TBCD: variants seen among roughly 807,000 people sequenced by gnomAD.
TBCD encodes tubulin folding cofactor D, also known as tubulin-specific chaperone D.
A neutral mutation model predicts 169.3 loss-of-function variants in TBCD; 105 were observed. That is an observed-to-expected ratio of 0.62 (90% CI 0.53 to 0.73). TBCD has a LOEUF of 0.73. TBCD is among the 30% of genes least tolerant of loss of function. The probability of loss-of-function intolerance (pLI) is 0.00; values close to 1 mark genes in which losing one functional copy is unlikely to be tolerated. For synonymous variants in TBCD, 700 were observed against 643.9 expected (o/e 1.09, Z -1.32); for missense variants, 1,444 against 1,600.1 (o/e 0.90, Z 1.66).
rs752155506 is a variant in TBCD, at chr17:82,893,529, T to A, written c.1564-18T>A. The A allele has an allele frequency of 1.6e-5, 25 of 1,578,194 alleles. No homozygotes were observed. Among genetic ancestry groups the A allele is most frequent in the African/African-American group, 2.7e-5 (2 of 73,842 alleles). ...CATTCAAATTCTTCTTTTTCCCCCA[T>A]TTCCACTTTCTTATTAGGGCACTTT... is the stretch of plus-strand genomic sequence containing the variant. On this transcript the variant is annotated intron_variant, in intron 16 of 38. Transcript: ENST00000355528.
At chr17:82,754,926 G>A (rs995903380) in intron 1 of TBCD, among the ~76,000 whole-genome samples, 4 of 152,230 alleles carry the variant, frequency 2.6e-5, no homozygotes, top group African/African-American at 9.6e-5. Context: ...AAAAGTATCT[G>A]AGACGAGTCT....
At chr17:82,762,544 C>G (rs1370016119) in intron 2 of TBCD, among the ~76,000 whole-genome samples, 1 of 151,370 alleles carries the variant, frequency 6.6e-6, no homozygotes, top group Non-Finnish European at 1.5e-5. Context: ...AGCTCAGGAG[C>G]TCAAGACCAG....
chr17:82,803,520 A>G (rs1481092813), intron 9 of TBCD, among the ~76,000 whole-genome samples: 7 of 152,092 alleles, frequency 4.6e-5, no homozygotes, highest in South Asian at 4.2e-4. Flanking sequence ...CTTCTCCCCA[A>G]CATCCTCTCC....
intron 13 of TBCD, among the ~76,000 whole-genome samples, chr17:82,858,149 AG>A (rs1402871106): frequency 6.6e-6 from 1 of 152,130 alleles, no homozygotes; most frequent in Non-Finnish European, 1.5e-5. Context: ...CCTGGGCTCA[AG>A]TGATCCTCCC....
Position 82,832,384 on chromosome 17 carries a change from T to C in TBCD, c.1318+17450T>C, listed in dbSNP as rs1468434330. 1.2e-6 allele frequency: 2 copies of C among 1,614,240 alleles called. No individual in the cohort carries two copies. Among genetic ancestry groups the C allele is most frequent in the Non-Finnish European group, 1.7e-6 (2 of 1,180,034 alleles). ...AAAGGGACATTGGAAACATTTATAC[T>C]TGAAGGGCTTTCCTGGAGGCCTGGG... On this transcript the variant is annotated intron_variant, in intron 13 of 38. Coordinates refer to ENST00000355528, the MANE Select transcript of TBCD (RefSeq NM_005993.5). This position sits in a 1 kb window ranked among gnomAD's most constrained non-coding sequence, Gnocchi z 4.9.
intron 16 of TBCD, among the ~76,000 whole-genome samples, chr17:82,892,503 G>T (rs560048869): frequency 5.3e-5 from 8 of 152,274 alleles, no homozygotes; most frequent in African/African-American, 1.7e-4. Flanking sequence ...GAAGAAAGCC[G>T]CATGGTACCT....
intron 7 of TBCD, among the ~76,000 whole-genome samples, chr17:82,792,447 G>T (rs1369215656): frequency 1.3e-5 from 2 of 152,124 alleles, no homozygotes; most frequent in Non-Finnish European, 2.9e-5. Flanking sequence ...TCATTGACCA[G>T]AATGTTCTAT....
intron 13 of TBCD, among the ~76,000 whole-genome samples, chr17:82,850,152 GCTGTGCTGTTGTTGC>G (rs1567887849): frequency 0.011 from 401 of 37,318 alleles, 39 homozygotes; most frequent in African/African-American, 0.025. Flanking sequence ...GCTGTTGTTG[GCTGTGCTGTTGTTGC>G]CTGTGCTGCT....
chr17:82,914,483 G>A (rs1303730168), intron 23 of TBCD, among the ~76,000 whole-genome samples: 3 of 152,244 alleles, frequency 2.0e-5, no homozygotes, highest in Non-Finnish European at 4.4e-5. Context: ...GCCTCCAGCT[G>A]TGTCTGCACC....
At chr17:82,828,231 G>A (rs569685715) in intron 13 of TBCD, among the ~76,000 whole-genome samples, 26 of 111,402 alleles carry the variant, frequency 2.3e-4, no homozygotes, top group African/African-American at 5.5e-4. Context: ...GATTGAATGC[G>A]CCCCCCACAG....
At chr17:82,851,740 C>T (rs1022854685) in intron 13 of TBCD, among the ~76,000 whole-genome samples, 4 of 152,188 alleles carry the variant, frequency 2.6e-5, no homozygotes, top group Non-Finnish European at 4.4e-5. Flanking sequence ...AACGCGTGGC[C>T]GACGGGCAGA....
intron 7 of TBCD, among the ~76,000 whole-genome samples, chr17:82,788,689 A>G (rs1271583457): frequency 6.6e-6 from 1 of 152,062 alleles, no homozygotes; most frequent in Non-Finnish European, 1.5e-5. Flanking sequence ...TTTTATAGTT[A>G]ATAAAAGCAG....
intron 2 of TBCD, among the ~76,000 whole-genome samples, chr17:82,760,656 T>G (rs1425459659): frequency 6.6e-6 from 1 of 152,280 alleles, no homozygotes; most frequent in East Asian, 1.9e-4. Flanking sequence ...AATTACATAC[T>G]ATAGAGTTCA....
In TBCD at chr17:82,878,696, G is replaced by C. The variant is rs2058143052; in HGVS notation, c.1476-5449G>C. 4.6e-5 allele frequency among the ~76,000 whole-genome samples: 7 copies of C among 152,146 alleles called. No individual in the cohort carries two copies. The South Asian group carries it at 1.5e-3, about 32-fold the overall frequency. On this transcript the variant is annotated intron_variant, in intron 14 of 38. Coordinates refer to ENST00000355528, the MANE Select transcript of TBCD (RefSeq NM_005993.5). ...CCTCTGTAACTAGCAGTGTTCTTGT[G>C]GGGTACTCGAAGGTTATGCAACATC... is the stretch of plus-strand genomic sequence containing the variant.
chr17:82,827,814 C>T lies in TBCD; in HGVS notation c.1318+12880C>T, dbSNP rs183690982. Among the ~76,000 whole-genome samples, 24 of 124,554 alleles carry T rather than the reference C, an allele frequency of 1.9e-4. No homozygotes were observed. In the Middle Eastern group the frequency reaches 0.021, roughly 110 times the overall value. The allele number at this position is 124,554 out of a possible 152,430, so 81.7% of individuals were successfully genotyped here. Reference sequence around the variant, plus strand: ...GGACACCCACACGATTGAATGTGCCCCCCCACAGATATGCACCTTTGCACA... The same window carrying T: ...GGACACCCACACGATTGAATGTGCCTCCCCACAGATATGCACCTTTGCACA... On this transcript the variant is annotated intron_variant, in intron 13 of 38. Transcript: ENST00000355528.
At chr17:82,829,189 G>A (rs1403435671) in intron 13 of TBCD, among the ~76,000 whole-genome samples, 5 of 150,726 alleles carry the variant, frequency 3.3e-5, no homozygotes, top group Non-Finnish European at 5.9e-5. Flanking sequence ...ACCCACACCC[G>A]CAGACGTGCA....
chr17:82,940,219 G>GCACACACACA (rs1422867605), intron 37 of TBCD, among the ~76,000 whole-genome samples: 3,075 of 94,524 alleles, frequency 0.033, 54 homozygotes, highest in African/African-American at 0.05. Flanking sequence ...ACTTGCACGC[G>GCACACACACA]CGCACACACA....
chr17:82,754,228 G>A (rs1459631397), intron 1 of TBCD, among the ~76,000 whole-genome samples: 1 of 152,094 alleles, frequency 6.6e-6, no homozygotes, highest in African/African-American at 2.4e-5. Context: ...GGTAATCTGG[G>A]GGAAAGGGTG....
chr17:82,924,458 C>T lies in TBCD; in HGVS notation c.2261-481C>T, dbSNP rs562656447. ...AGGCTTGCTTCTCGCACATCATGTT[C>T]GAGGGATCTGCTTCATGAATCGTAC... On this transcript the variant is annotated intron_variant, in intron 26 of 38. Transcript: ENST00000355528. 2.0e-4 allele frequency among the ~76,000 whole-genome samples: 30 copies of T among 152,210 alleles called. 3 individuals are homozygous for T. The highest frequency in any genetic ancestry group is 1.6e-3 in the Admixed American group (24 of 15,276).
Sources: allele counts gnomAD v4.1 joint callset (sites outside exome capture counted in the v4.1 genomes callset), GRCh38; gene constraint gnomAD v4.1.1; non-coding constraint Gnocchi (gnomAD v3.1); transcripts MANE v1.5; gene names NCBI Gene and HGNC (gene_info 2026-07-23, HGNC 2026-07-21).